Variants in ALK observed in about 807,000 individuals in gnomAD.
The protein encoded by ALK is ALK receptor tyrosine kinase, also known as ALK tyrosine kinase receptor.
In ALK, 74 loss-of-function variants were observed where a neutral mutation model predicts 163.1. The ratio of observed to expected loss-of-function variants is 0.45; its 90% CI spans 0.38 to 0.55. The LOEUF (loss-of-function observed/expected upper bound fraction) is 0.55, where lower values mean the gene tolerates loss of function less well. Ranked by LOEUF, ALK falls within the 20% of genes least tolerant of loss-of-function variation. ALK has a pLI of 0.00. For synonymous variants in ALK, 960 were observed against 843.2 expected (o/e 1.14, Z -2.40); for missense variants, 2,063 against 2,105.3 (o/e 0.98, Z 0.39).
At chr2:29,729,211 C>T (rs1371277842) in intron 1 of ALK, among the ~76,000 whole-genome samples, 2 of 152,172 alleles carry the variant, frequency 1.3e-5, no homozygotes, top group Non-Finnish European at 2.9e-5. Flanking sequence ...ATCTGGGTCA[C>T]GGATAAGCCC....
intron 5 of ALK, among the ~76,000 whole-genome samples, chr2:29,381,504 A>G (rs1668894939): frequency 1.3e-5 from 2 of 152,136 alleles, no homozygotes; most frequent in African/African-American, 4.8e-5. Flanking sequence ...GATGAACTAA[A>G]ATGGCACGTC....
chr2:29,351,814 GGAA>G (rs10592070), intron 5 of ALK, among the ~76,000 whole-genome samples: 64,328 of 151,686 alleles, frequency 0.42, 14,073 homozygotes, highest in East Asian at 0.77. Flanking sequence ...TACCCTAGTT[GGAA>G]GAAGAAGCAC....
chr2:29,657,003 A>G (rs1464906605), intron 3 of ALK, among the ~76,000 whole-genome samples: 1 of 152,172 alleles, frequency 6.6e-6, no homozygotes, highest in African/African-American at 2.4e-5. Context: ...AATATTTAAC[A>G]TAGAAAACGG....
At chr2:29,528,639 T>C (rs961687295) in intron 4 of ALK, among the ~76,000 whole-genome samples, 3 of 152,104 alleles carry the variant, frequency 2.0e-5, no homozygotes, top group African/African-American at 7.2e-5. Context: ...ACTCAATCCA[T>C]GATGGTGAGA....
intron 1 of ALK, among the ~76,000 whole-genome samples, chr2:29,782,840 G>T (rs1663870955): frequency 6.6e-6 from 1 of 152,172 alleles, no homozygotes; most frequent in East Asian, 1.9e-4. Context: ...AGACAAATGA[G>T]CCTTCTTGAC....
At chr2:29,897,177 G>A (rs958114914) in intron 1 of ALK, among the ~76,000 whole-genome samples, 2 of 152,046 alleles carry the variant, frequency 1.3e-5, no homozygotes, top group Non-Finnish European at 2.9e-5. Context: ...AAAATTAGCT[G>A]GGCATGTTGA....
At chr2:29,213,182 T>TTTTAC (rs1669509351) in intron 24 of ALK, among the ~76,000 whole-genome samples, 1 of 152,204 alleles carries the variant, frequency 6.6e-6, no homozygotes, top group Non-Finnish European at 1.5e-5. Flanking sequence ...TGATGATCTG[T>TTTTAC]TTTACTTTTC....
rs1435673332 is a variant in ALK, at chr2:29,824,218, T to A, written c.667+95775A>T. ...GAACCTCTGCCTAGATTTCAGAAGA[T>A]GCATGGAAATGCCTGGATGTCCAGG... On this transcript the variant is annotated intron_variant, in intron 1 of 28. Coordinates refer to ENST00000389048, the MANE Select transcript of ALK (RefSeq NM_004304.5). Among the ~76,000 whole-genome samples, 3 of 152,240 alleles carry A rather than the reference T, an allele frequency of 2.0e-5. No individual in the cohort carries two copies. In the East Asian group the frequency reaches 5.8e-4, roughly 29 times the overall value.
intron 1 of ALK, among the ~76,000 whole-genome samples, chr2:29,795,952 G>T (rs2339472): frequency 0.98 from 149,911 of 152,294 alleles, 73,813 homozygotes; most frequent in Middle Eastern, 1. Context: ...GGTTGACAAC[G>T]GCCTTCGAAC....
At chr2:29,322,165 G>A (rs1297024176) in intron 6 of ALK, among the ~76,000 whole-genome samples, 3 of 152,238 alleles carry the variant, frequency 2.0e-5, no homozygotes, top group African/African-American at 7.2e-5. Flanking sequence ...AGCACTGCAT[G>A]TCCTTCCTCT....
intron 1 of ALK, among the ~76,000 whole-genome samples, chr2:29,738,248 C>T (rs999299061): frequency 1.3e-5 from 2 of 151,984 alleles, no homozygotes; most frequent in Admixed American, 1.3e-4. Context: ...TCCCAGCCCC[C>T]ATGGACCTTG....
intron 4 of ALK, among the ~76,000 whole-genome samples, chr2:29,476,376 A>G (rs777287439): frequency 1.2e-4 from 19 of 152,230 alleles, no homozygotes; most frequent in Non-Finnish European, 2.5e-4. Context: ...TTAAACACCA[A>G]CATTCTTTTC....
At position 29,865,949 on chromosome 2, in the gene ALK, G is replaced by A. The variant is rs146309373; in HGVS notation, c.667+54044C>T. Among the ~76,000 whole-genome samples the A allele has an allele frequency of 2.7e-3, 406 of 152,286 alleles. 2 individuals are homozygous for A. The highest frequency in any genetic ancestry group is 9.3e-3 in the African/African-American group (385 of 41,554). On this transcript the variant is annotated intron_variant, in intron 1 of 28. Transcript: ENST00000389048. ...AGACACCAAGGGTCGCTGGGAGCAA[G>A]GGTCTCTGGGGATAGGGGCAGTATG...
chr2:29,795,575 G>A (rs1664288232), intron 1 of ALK, among the ~76,000 whole-genome samples: 1 of 152,002 alleles, frequency 6.6e-6, no homozygotes. Flanking sequence ...AACAAAACTA[G>A]GAAGCAAAGT....
chr2:29,193,949 T>G, intron 28 of ALK, 27 bp from the exon 29 acceptor site: 1 of 1,609,478 alleles, frequency 6.2e-7, no homozygotes, highest in South Asian at 1.1e-5. Context: ...TATTAAAACT[T>G]TGAATCAGAG....
intron 4 of ALK, among the ~76,000 whole-genome samples, chr2:29,446,723 T>C (rs1670694419): frequency 6.6e-6 from 1 of 152,000 alleles, no homozygotes; most frequent in African/African-American, 2.4e-5. Context: ...TGCAAATGTA[T>C]GTAAATGACC....
intron 5 of ALK, among the ~76,000 whole-genome samples, chr2:29,342,316 G>C (rs534547980): frequency 1.2e-4 from 19 of 152,306 alleles, no homozygotes; most frequent in African/African-American, 4.1e-4. Flanking sequence ...GAACCTTGAA[G>C]ACACTATGCT....
intron 7 of ALK, among the ~76,000 whole-genome samples, chr2:29,319,368 C>T (rs1329813275): frequency 2.0e-5 from 3 of 152,106 alleles, no homozygotes; most frequent in Non-Finnish European, 4.4e-5. Context: ...GTAACAAATT[C>T]GGGTGGGTCA....
intron 3 of ALK, among the ~76,000 whole-genome samples, chr2:29,534,322 A>G (rs1041445654): frequency 2.0e-5 from 3 of 152,216 alleles, no homozygotes; most frequent in Non-Finnish European, 2.9e-5. Context: ...AGTGTTTGCT[A>G]TATTACTGTT....
Sources: gnomAD v4.1 joint callset for allele counts (sites outside exome capture counted in the v4.1 genomes callset) on GRCh38, gnomAD v4.1.1 for gene constraint, MANE v1.5 for transcripts, NCBI Gene and HGNC (gene_info 2026-07-23, HGNC 2026-07-21) for gene names.